PHF2: variants seen among roughly 807,000 people sequenced by gnomAD.
PHF2 encodes the protein lysine-specific demethylase PHF2.
In PHF2, 27 loss-of-function variants were observed where a neutral mutation model predicts 120.5. The observed-to-expected ratio is 0.22, with a 90% CI of 0.17 to 0.31. PHF2 has a LOEUF of 0.31. Among genes scored for constraint, PHF2 ranks in the 10% least tolerant of loss-of-function variants. The probability of loss-of-function intolerance (pLI) is 1.00; values close to 1 mark genes in which losing one functional copy is unlikely to be tolerated. For synonymous variants in PHF2, 568 were observed against 592.5 expected, an observed-to-expected ratio of 0.96 and a Z score of 0.60; for missense variants, 1,024 against 1,434.8, an observed-to-expected ratio of 0.71 and a Z score of 4.63.
chr9:93,620,742 G>A (rs13286188), intron 1 of PHF2, among the ~76,000 whole-genome samples: 110,634 of 152,152 alleles, frequency 0.73, 40,963 homozygotes, highest in East Asian at 0.87. Context: ...AGTATCTTAT[G>A]CTCCTGGCTT....
Position 93,674,959 on chromosome 9 carries a change from C to A in PHF2, c.2659C>A (p.Pro887Thr). Residue 887 changes from proline to threonine, a missense_variant, in exon 19 of 22, where the codon CCC becomes ACC. This residue lies in a region of PHF2 where 677 missense variants were observed against 857.4 expected (regional missense o/e 0.79). Transcript: ENST00000359246. ...YPSLESDEDN[P>T]IFKSRSKKRK... ...CTCACTGGAGTCAGATGAAGACAAC[C>A]CCATCTTTAAGTCCCGGTCGAAGAA... is the stretch of plus-strand genomic sequence containing the variant. 2.5e-6 allele frequency: 4 copies of A among 1,613,928 alleles called. No homozygotes were observed. Among genetic ancestry groups the A allele is most frequent in the Middle Eastern group, 1.7e-4 (1 of 6,060 alleles).
At chr9:93,671,365 G>A (rs1378377483) in intron 17 of PHF2, among the ~76,000 whole-genome samples, 1 of 142,304 alleles carries the variant, frequency 7.0e-6, no homozygotes, top group East Asian at 2.1e-4. Context: ...TGTAGATGCA[G>A]GTGTGGGTGT....
At chr9:93,623,558 C>T (rs530866131) in intron 1 of PHF2, among the ~76,000 whole-genome samples, 66 of 152,318 alleles carry the variant, frequency 4.3e-4, no homozygotes, top group African/African-American at 1.5e-3. Flanking sequence ...AATATTAACA[C>T]TGTGCATTTT....
chr9:93,583,165 A>G (rs1403363894), intron 1 of PHF2, among the ~76,000 whole-genome samples: 1 of 152,234 alleles, frequency 6.6e-6, no homozygotes, highest in East Asian at 1.9e-4. Context: ...GAATCATACA[A>G]TATGTAACTT....
At chr9:93,603,738 C>T (rs1355097140) in intron 1 of PHF2, among the ~76,000 whole-genome samples, 2 of 152,184 alleles carry the variant, frequency 1.3e-5, no homozygotes, top group Non-Finnish European at 2.9e-5. Flanking sequence ...TGCCTGGTAG[C>T]GCCCCTCATC....
At position 93,656,565 on chromosome 9, in the gene PHF2, A is replaced by G. The variant is rs1236242645; in HGVS notation, c.1117A>G (p.Met373Val). Reference sequence around the variant, plus strand: ...CAACTTTGAAACTGCGTGCTGGTACATGGGGAAGCACCTGCTGGAGGCATT... The same window carrying G: ...CAACTTTGAAACTGCGTGCTGGTACGTGGGGAAGCACCTGCTGGAGGCATT... ...FPNFETACWY[M>V]GKHLLEAFKG... Residue 373 changes from methionine (M) to valine (V), a missense_variant, in exon 9 of 22, where the codon ATG becomes GTG. Met to Val is a conservative substitution (Grantham distance 21). This residue lies in a region of PHF2 where 347 missense variants were observed against 577.4 expected (regional missense o/e 0.60). Coordinates refer to ENST00000359246, the MANE Select transcript of PHF2 (RefSeq NM_005392.4). This position sits in a 1 kb window ranked among gnomAD's most constrained non-coding sequence, Gnocchi z 4.1. The G allele has an allele frequency of 1.9e-6, 3 of 1,613,762 alleles. No homozygotes were observed. Among genetic ancestry groups the G allele is most frequent in the Non-Finnish European group, 2.5e-6 (3 of 1,179,858 alleles).
chr9:93,653,474 G>C, intron 6 of PHF2, 109 bp downstream of exon 6: 1 of 1,162,110 alleles, frequency 8.6e-7, no homozygotes, highest in Non-Finnish European at 1.2e-6. Context: ...ACTCCCCAGA[G>C]GGCCCCTGGA....
intron 2 of PHF2, among the ~76,000 whole-genome samples, chr9:93,635,083 C>T (rs953988255): frequency 6.6e-6 from 1 of 152,226 alleles, no homozygotes; most frequent in African/African-American, 2.4e-5. Flanking sequence ...CATCTGTGCC[C>T]GATGCTTCCC....
At chr9:93,630,151 G>A (rs372056710) in intron 2 of PHF2, 96 bp downstream of exon 2, 1 of 1,285,952 alleles carries the variant, frequency 7.8e-7, no homozygotes, top group African/African-American at 1.5e-5. Context: ...CTGGGCCTGG[G>A]CCCTGGGTTG....
chr9:93,634,512 T>A (rs1050296810), intron 2 of PHF2, among the ~76,000 whole-genome samples: 20 of 152,210 alleles, frequency 1.3e-4, no homozygotes, highest in Admixed American at 3.9e-4. Context: ...GGAGCCAAGA[T>A]ACTCAGTGAG....
intron 1 of PHF2, among the ~76,000 whole-genome samples, chr9:93,618,409 A>G (rs1455903500): frequency 4.6e-5 from 7 of 152,262 alleles, no homozygotes; most frequent in African/African-American, 7.2e-5. Flanking sequence ...ACACATGGCA[A>G]TGTACGTCTG....
chr9:93,675,156 G>A (rs1230680404), intron 19 of PHF2, 134 bp downstream of exon 19: 17 of 697,268 alleles, frequency 2.4e-5, no homozygotes, highest in Non-Finnish European at 3.0e-5. Flanking sequence ...TGGGCAGCCC[G>A]TCCCGCTGGG....
intron 1 of PHF2, among the ~76,000 whole-genome samples, chr9:93,588,557 C>A (rs1863105769): frequency 6.6e-6 from 1 of 152,180 alleles, no homozygotes; most frequent in African/African-American, 2.4e-5. Context: ...ACTGAAGCTG[C>A]CCTCCCCACT....
chr9:93,630,618 T>C (rs558539934), intron 2 of PHF2, among the ~76,000 whole-genome samples: 37 of 152,306 alleles, frequency 2.4e-4, no homozygotes, highest in African/African-American at 8.4e-4. Flanking sequence ...CTTCGTTTTC[T>C]TCTTGGCCCT....
intron 1 of PHF2, among the ~76,000 whole-genome samples, chr9:93,598,687 G>A (rs1361882774): frequency 1.3e-5 from 2 of 152,180 alleles, no homozygotes; most frequent in Admixed American, 1.3e-4. Flanking sequence ...ACGGGGCCTG[G>A]GGCTGGGATG....
chr9:93,654,375 CCAG>C, intron 6 of PHF2, 35 bp from the exon 7 acceptor site: 1 of 1,598,002 alleles, frequency 6.3e-7, no homozygotes, highest in South Asian at 1.1e-5. Context: ...CCCCCGCATC[CCAG>C]TATGGGCGGC....
intron 3 of PHF2, among the ~76,000 whole-genome samples, chr9:93,638,646 G>A (rs921632631): frequency 1.3e-5 from 2 of 152,194 alleles, no homozygotes; most frequent in African/African-American, 2.4e-5. Flanking sequence ...GCTTATGCCA[G>A]TACCACACAG....
chr9:93,632,740 T>C (rs7024028), intron 2 of PHF2, among the ~76,000 whole-genome samples: 98,387 of 152,044 alleles, frequency 0.65, 32,341 homozygotes, highest in African/African-American at 0.69. Context: ...TTTGGTGGGA[T>C]GGATATTCAG....
At chr9:93,616,975 A>G (rs1825739971) in intron 1 of PHF2, among the ~76,000 whole-genome samples, 1 of 152,112 alleles carries the variant, frequency 6.6e-6, no homozygotes, top group Non-Finnish European at 1.5e-5. Context: ...TTTAAATGTC[A>G]AAATTAGGTT....
Sources: gnomAD v4.1 joint callset for allele counts (sites outside exome capture counted in the v4.1 genomes callset) on GRCh38, gnomAD v4.1.1 for gene constraint, gnomAD v4.1.1 regional missense constraint, Gnocchi (gnomAD v3.1) non-coding constraint, MANE v1.5 for transcripts, NCBI Gene and HGNC (gene_info 2026-07-23, HGNC 2026-07-21) for gene names.